Variants in NFKB1 observed in about 807,000 individuals in gnomAD.
NFKB1 encodes nuclear factor NF-kappa-B p105 subunit.
In NFKB1, 9 loss-of-function variants were observed where a neutral mutation model predicts 105.1. The ratio of observed to expected loss-of-function variants is 0.09; its 90% CI spans 0.05 to 0.15. The LOEUF (loss-of-function observed/expected upper bound fraction) is 0.15, where lower values mean the gene tolerates loss of function less well. Among genes scored for constraint, NFKB1 ranks in the 10% least tolerant of loss-of-function variants. NFKB1 has a pLI of 1.00. For synonymous variants in NFKB1, 440 were observed against 442.2 expected, an observed-to-expected ratio of 1.00 and a Z score of 0.06; for missense variants, 830 against 1,203.7, an observed-to-expected ratio of 0.69 and a Z score of 4.59.
Position 102,593,563 on chromosome 4 carries a change from G to A in NFKB1, c.1205G>A (p.Gly402Asp). Reference sequence around the variant, plus strand: ...GGAGGAGGGGGCACTGGAAGTACAGGTCCAGGTACAAAAATACTTATTCTT... The same window carrying A: ...GGAGGAGGGGGCACTGGAAGTACAGATCCAGGTACAAAAATACTTATTCTT... ...GGGGGGTGST[G>D]PGYSFPHYGF... The change falls in exon 12 of 24, where the codon GGT (glycine) becomes GAT (aspartate). Residue 402 changes from glycine to aspartate, a missense_variant. Gly to Asp is a moderately conservative substitution (Grantham distance 94, BLOSUM62 -1). Around this residue, in one of 8 missense-constraint regions of NFKB1, gnomAD observed 163 missense variants for 164.3 expected, o/e 0.99. Coordinates refer to ENST00000226574, the MANE Select transcript of NFKB1 (RefSeq NM_003998.4). The A allele has an allele frequency of 6.2e-7, 1 of 1,610,146 alleles. No individual in the cohort carries two copies. Among genetic ancestry groups the A allele is most frequent in the Non-Finnish European group, 8.5e-7 (1 of 1,178,410 alleles).
chr4:102,568,007 C>T (rs924323207), intron 6 of NFKB1, among the ~76,000 whole-genome samples: 9 of 152,102 alleles, frequency 5.9e-5, no homozygotes, highest in African/African-American at 2.2e-4. Context: ...AAACATTTTT[C>T]AGGGTTTTCT....
chr4:102,544,090 A>AAAGGAATCTT (rs879339615), intron 5 of NFKB1, among the ~76,000 whole-genome samples: 2,624 of 152,062 alleles, frequency 0.017, 40 homozygotes, highest in African/African-American at 0.044. Context: ...AGATTCCTAA[A>AAAGGAATCTT]TTTATATGCA....
At chr4:102,568,626 G>C (rs1724069539) in intron 6 of NFKB1, among the ~76,000 whole-genome samples, 1 of 152,092 alleles carries the variant, frequency 6.6e-6, no homozygotes, top group African/African-American at 2.4e-5. Flanking sequence ...AATTTTAGAT[G>C]AAGTTTTCTA....
In NFKB1 at chr4:102,550,831, C is replaced by G. The variant is rs377373144; in HGVS notation, c.258+12875C>G. ...GTTTCCATTGAGCTATAGAGTTAAG[C>G]TATTTTTTTATTTCTATTCCATTTT... On this transcript the variant is annotated intron_variant, in intron 5 of 23. Coordinates refer to ENST00000226574, the MANE Select transcript of NFKB1 (RefSeq NM_003998.4). 4.6e-5 allele frequency among the ~76,000 whole-genome samples: 7 copies of G among 152,114 alleles called. No individual in the cohort carries two copies. In the South Asian group the frequency reaches 8.3e-4, roughly 18 times the overall value.
chr4:102,525,631 G>C, intron 2 of NFKB1, 74 bp downstream of exon 2: 1 of 1,331,872 alleles, frequency 7.5e-7, no homozygotes, highest in Non-Finnish European at 1.0e-6. Context: ...GGCAACATTA[G>C]TAAGTTAGCA....
At position 102,501,383 on chromosome 4, in the gene NFKB1, G is replaced by A. The variant is rs979994880; in HGVS notation, c.-413G>A. Reference sequence around the variant, plus strand: ...AGAAGTGCACCAGCGAGCCGGGGCAGGAAGAGGAGGTTTCGCCACCGGAGC... The same window carrying A: ...AGAAGTGCACCAGCGAGCCGGGGCAAGAAGAGGAGGTTTCGCCACCGGAGC... On this transcript the variant is annotated 5_prime_UTR_variant, in exon 1 of 24. Transcript: ENST00000226574. 5 of 151,674 alleles carry A rather than the reference G, an allele frequency of 3.3e-5. No homozygotes were observed. Among genetic ancestry groups the A allele is most frequent in the Non-Finnish European group, 5.9e-5 (4 of 67,850 alleles). The allele number at this position is 151,674 out of a possible 1,614,324, so 9.4% of individuals were successfully genotyped here. A position where few individuals can be genotyped will look rare whatever the true frequency, so the allele number is the denominator to read the frequency against.
At chr4:102,571,739 T>G (rs1003108130) in intron 6 of NFKB1, among the ~76,000 whole-genome samples, 1 of 152,204 alleles carries the variant, frequency 6.6e-6, no homozygotes, top group Non-Finnish European at 1.5e-5. Flanking sequence ...AAAAATGCTC[T>G]CATTATCACT....
chr4:102,598,109 T>C (rs1726792620), intron 15 of NFKB1, among the ~76,000 whole-genome samples: 1 of 152,230 alleles, frequency 6.6e-6, no homozygotes, highest in African/African-American at 2.4e-5. Flanking sequence ...CTGGTCATTA[T>C]TTCCCAGTTA....
At chr4:102,502,343 GTC>G (rs144715254) in intron 1 of NFKB1, among the ~76,000 whole-genome samples, 15 of 133,990 alleles carry the variant, frequency 1.1e-4, no homozygotes, top group Non-Finnish European at 2.1e-4. Context: ...CTCGCTCTCT[GTC>G]TCTCTCTCTC....
chr4:102,580,793 A>G (rs979883894), intron 9 of NFKB1, among the ~76,000 whole-genome samples, 154 bp downstream of exon 9: 49 of 152,234 alleles, frequency 3.2e-4, no homozygotes, highest in African/African-American at 1.1e-3. Context: ...TACCTCTTCC[A>G]AATGTAAATT....
At chr4:102,544,379 G>A (rs1721968271) in intron 5 of NFKB1, among the ~76,000 whole-genome samples, 1 of 152,124 alleles carries the variant, frequency 6.6e-6, no homozygotes. Flanking sequence ...TCCAGTAGGT[G>A]GAAAAAAGAT....
Position 102,612,223 on chromosome 4 carries a change from C to G in NFKB1, c.2419+113C>G, listed in dbSNP as rs1728488923. ...CTGTTAAAAGTTCTTATTTCAGAAC[C>G]AAAAGATGCTGGAGGTAGATAAGGA... On this transcript the variant is annotated intron_variant, in intron 21 of 23. Transcript: ENST00000226574. 5 of 1,064,886 alleles carry G rather than the reference C, an allele frequency of 4.7e-6. No homozygotes were observed. The East Asian group carries it at 1.2e-4, about 27-fold the overall frequency. 66.0% of individuals were successfully genotyped at this position (1,064,886 alleles called of 1,614,324 possible). A position where few individuals can be genotyped will look rare whatever the true frequency, so the allele number is the denominator to read the frequency against.
chr4:102,547,861 AGCTGT>A, intron 5 of NFKB1, among the ~76,000 whole-genome samples: 1 of 152,288 alleles, frequency 6.6e-6, no homozygotes, highest in South Asian at 2.1e-4. Flanking sequence ...GACTGAGATC[AGCTGT>A]GTCAAAAGCT....
At chr4:102,585,087 C>T (rs1181967044) in intron 11 of NFKB1, among the ~76,000 whole-genome samples, 1 of 151,636 alleles carries the variant, frequency 6.6e-6, no homozygotes, top group East Asian at 1.9e-4. Flanking sequence ...ATGAGGACTT[C>T]CTACATTGTC....
At chr4:102,504,339 T>C (rs1465375381) in intron 1 of NFKB1, among the ~76,000 whole-genome samples, 1 of 152,198 alleles carries the variant, frequency 6.6e-6, no homozygotes, top group African/African-American at 2.4e-5. Context: ...TATGCTCTTC[T>C]GGTCCACAGA....
chr4:102,527,079 A>G (rs1202172890), intron 2 of NFKB1, among the ~76,000 whole-genome samples: 1 of 152,146 alleles, frequency 6.6e-6, no homozygotes, highest in Non-Finnish European at 1.5e-5. Flanking sequence ...TTGTTCATTC[A>G]TCAGCTATTT....
intron 5 of NFKB1, among the ~76,000 whole-genome samples, chr4:102,542,247 G>T (rs1198252744): frequency 6.6e-6 from 1 of 152,142 alleles, no homozygotes; most frequent in Non-Finnish European, 1.5e-5. Flanking sequence ...ACCATGTTGA[G>T]ATTATTTCTA....
At chr4:102,539,830 G>A (rs1047270915) in intron 5 of NFKB1, among the ~76,000 whole-genome samples, 3 of 152,062 alleles carry the variant, frequency 2.0e-5, no homozygotes, top group Admixed American at 2.0e-4. Context: ...CAGATATAAT[G>A]TGTGCATTTG....
intron 4 of NFKB1, among the ~76,000 whole-genome samples, chr4:102,536,060 A>G (rs944351495): frequency 2.6e-5 from 4 of 152,122 alleles, no homozygotes; most frequent in Non-Finnish European, 4.4e-5. Flanking sequence ...ATACTGTTCA[A>G]AAACTCAAGT....
Sources: allele counts gnomAD v4.1 joint callset (sites outside exome capture counted in the v4.1 genomes callset), GRCh38; gene constraint gnomAD v4.1.1; regional missense constraint gnomAD v4.1.1; transcripts MANE v1.5; gene names NCBI Gene and HGNC (gene_info 2026-07-23, HGNC 2026-07-21).